Variants in OPRD1 observed in about 807,000 individuals in gnomAD.
OPRD1 encodes the protein opioid receptor delta 1, also known as delta-type opioid receptor.
In OPRD1, 19 loss-of-function variants were observed where a neutral mutation model predicts 17.5. The ratio of observed to expected loss-of-function variants is 1.09; its 90% CI spans 0.76 to 1.60. OPRD1 has a LOEUF of 1.60. Among genes scored for constraint, OPRD1 ranks in the 40% most tolerant of loss-of-function variants. The pLI, the probability that OPRD1 is intolerant of heterozygous loss-of-function variation, is 0.00. For synonymous variants in OPRD1, 256 were observed against 240.9 expected (o/e 1.06, Z -0.58); for missense variants, 483 against 547.2 (o/e 0.88, Z 1.17).
intron 1 of OPRD1, 124 bp downstream of exon 1, chr1:28,812,734 TG>T: frequency 1.1e-6 from 1 of 869,974 alleles, no homozygotes; most frequent in Non-Finnish European, 1.6e-6. Context: ...CAGGGGCACC[TG>T]GGGCCCAGCG....
intron 1 of OPRD1, among the ~76,000 whole-genome samples, chr1:28,814,600 A>G (rs2088658323): frequency 6.6e-6 from 1 of 152,030 alleles, no homozygotes; most frequent in African/African-American, 2.4e-5. Flanking sequence ...CTCATTTCCA[A>G]CCTTTTCCCC....
At chr1:28,862,258 G>T (rs2089130487) in intron 2 of OPRD1, among the ~76,000 whole-genome samples, 1 of 152,004 alleles carries the variant, frequency 6.6e-6, no homozygotes, top group South Asian at 2.1e-4. Flanking sequence ...TGGAGATGTG[G>T]GTACTGTCAT....
Position 28,822,021 on chromosome 1 carries a change from G to A in OPRD1, c.227+9411G>A, listed in dbSNP as rs564803808. On this transcript the variant is annotated intron_variant, in intron 1 of 2. Coordinates refer to ENST00000234961, the MANE Select transcript of OPRD1 (RefSeq NM_000911.4). Reference sequence around the variant, plus strand: ...GGCTGGAGTGCAATGGCGCAATCTCGGCTCACCACAACCTCCGCCTCCTGG... The same window carrying A: ...GGCTGGAGTGCAATGGCGCAATCTCAGCTCACCACAACCTCCGCCTCCTGG... Among the ~76,000 whole-genome samples the A allele has an allele frequency of 5.4e-4, 82 of 150,582 alleles. 1 individual carries two copies. The highest frequency in any genetic ancestry group is 1.8e-3 in the African/African-American group (75 of 40,860).
intron 1 of OPRD1, among the ~76,000 whole-genome samples, chr1:28,839,230 G>A (rs973552164): frequency 7.9e-5 from 12 of 152,062 alleles, no homozygotes; most frequent in African/African-American, 2.4e-4. Context: ...GCTTCTTCCC[G>A]TTTCTGGTGG....
Position 28,868,952 on chromosome 1 carries a change from C to A in OPRD1, c.*5669C>A, listed in dbSNP as rs990366159. The A allele has an allele frequency of 4.6e-5, 7 of 152,206 alleles. No homozygotes were observed. Among genetic ancestry groups the A allele is most frequent in the Non-Finnish European group, 7.3e-5 (5 of 68,088 alleles). 9.4% of individuals were successfully genotyped at this position (152,206 alleles called of 1,614,324 possible). A position where few individuals can be genotyped will look rare whatever the true frequency, so the allele number is the denominator to read the frequency against. On this transcript the variant is annotated 3_prime_UTR_variant, in exon 3 of 3. Coordinates refer to ENST00000234961, the MANE Select transcript of OPRD1 (RefSeq NM_000911.4). The stretch of plus-strand genomic sequence containing the variant: ...GGCTGGGCACCTGCTGGGTCTCTGT[C>A]CAAAGGCCAGCCCTCTCTTTGTGTC...
chr1:28,862,796 C>T lies in OPRD1; in HGVS notation c.632C>T (p.Thr211Met). The change falls in exon 3 of 3, where the codon ACG becomes ATG. Residue 211 changes from threonine to methionine, a missense_variant. Coordinates refer to ENST00000234961, the MANE Select transcript of OPRD1 (RefSeq NM_000911.4). ...QFPSPSWYWDTVTKICVFLFA... is the reference protein window; with the variant it reads ...QFPSPSWYWDMVTKICVFLFA... ...CCCAGCCCCAGCTGGTACTGGGACA[C>T]GGTGACCAAGATCTGCGTGTTCCTC... The T allele has an allele frequency of 1.2e-6, 2 of 1,613,406 alleles. No homozygotes were observed. Among genetic ancestry groups the T allele is most frequent in the Non-Finnish European group, 1.7e-6 (2 of 1,179,820 alleles).
At chr1:28,827,078 T>C (rs534805549) in intron 1 of OPRD1, among the ~76,000 whole-genome samples, 209 of 152,252 alleles carry the variant, frequency 1.4e-3, no homozygotes, top group Non-Finnish European at 2.4e-3. Context: ...GCAGATCCCT[T>C]GAGGTCAGGA....
Position 28,812,500 on chromosome 1 carries a change from C to G in OPRD1, c.117C>G (p.Gly39=). The G allele has an allele frequency of 6.4e-7, 1 of 1,562,616 alleles. No homozygotes were observed. The highest frequency in any genetic ancestry group is 1.2e-5 in the South Asian group (1 of 85,784). Residue 39 remains glycine, a synonymous_variant, in exon 1 of 3, where the codon GGC becomes GGG. Transcript: ENST00000234961. ...GCGCCAATGCGTCGGGGCCGCCAGG[C>G]GCGCGGAGCGCCTCGTCCCTCGCCC... The part of the protein sequence containing the change: ...SAGANASGPP[G]ARSASSLALA...
intron 1 of OPRD1, among the ~76,000 whole-genome samples, chr1:28,836,598 G>C (rs1270543277): frequency 1.3e-5 from 2 of 152,110 alleles, no homozygotes; most frequent in Non-Finnish European, 2.9e-5. Context: ...CCCTCCGAAG[G>C]CTCCGTGGAA....
At position 28,857,303 on chromosome 1, in the gene OPRD1, G is replaced by A. The variant is rs368455284; in HGVS notation, c.228-1651G>A. Among the ~76,000 whole-genome samples the A allele has an allele frequency of 2.8e-3, 430 of 152,256 alleles. 1 individual carries two copies. The highest frequency in any genetic ancestry group is 6.8e-3 in the Middle Eastern group (2 of 294). On this transcript the variant is annotated intron_variant, in intron 1 of 2. Transcript: ENST00000234961. Reference sequence around the variant, plus strand: ...CTCTTTTTACAGTTATGGATGCAGAGCCTTAGAGAGTTCAAGTTTCTAACT... The same window carrying A: ...CTCTTTTTACAGTTATGGATGCAGAACCTTAGAGAGTTCAAGTTTCTAACT...
In OPRD1 at chr1:28,812,495, C is replaced by A. The variant is rs1469460498; in HGVS notation, c.112C>A (p.Pro38Thr). The change falls in exon 1 of 3, where the codon CCA becomes ACA. Residue 38 changes from proline (P) to threonine (T), a missense_variant. Transcript: ENST00000234961. ...PSAGANASGPPGARSASSLAL... is the reference protein window; with the variant it reads ...PSAGANASGPTGARSASSLAL... ...CGCTGGCGCCAATGCGTCGGGGCCG[C>A]CAGGCGCGCGGAGCGCCTCGTCCCT... is the stretch of plus-strand genomic sequence containing the variant. 6.4e-7 allele frequency: 1 copy of A among 1,559,548 alleles called. No individual in the cohort carries two copies. Among genetic ancestry groups the A allele is most frequent in the Non-Finnish European group, 8.6e-7 (1 of 1,161,566 alleles).
At chr1:28,812,816 C>G (rs1408791402) in intron 1 of OPRD1, among the ~76,000 whole-genome samples, 2 of 150,036 alleles carry the variant, frequency 1.3e-5, no homozygotes, top group African/African-American at 2.4e-5. Flanking sequence ...GTGTGTGGTG[C>G]GGGGGGGGGA....
intron 1 of OPRD1, among the ~76,000 whole-genome samples, chr1:28,845,114 G>A (rs748916164): frequency 6.6e-6 from 1 of 152,046 alleles, no homozygotes; most frequent in Non-Finnish European, 1.5e-5. Context: ...GGAGGCCAAG[G>A]CGGGCAGATC....
At chr1:28,817,902 CG>C (rs34321858) in intron 1 of OPRD1, among the ~76,000 whole-genome samples, 9,046 of 91,706 alleles carry the variant, frequency 0.099, 328 homozygotes, top group African/African-American at 0.15. Flanking sequence ...ATGGGCGGGG[CG>C]GGGGGGGGGT....
At chr1:28,824,313 C>CTTTTTTTTTTTTTTTTTTTTT (rs58074384) in intron 1 of OPRD1, among the ~76,000 whole-genome samples, 1 of 109,784 alleles carries the variant, frequency 9.1e-6, no homozygotes, top group African/African-American at 3.7e-5. Context: ...TTTCTTTTTT[C>CTTTTTTTTTTTTTTTTTTTTT]TTTTTTTTTT....
At chr1:28,829,456 C>T (rs1192154171) in intron 1 of OPRD1, among the ~76,000 whole-genome samples, 1 of 151,814 alleles carries the variant, frequency 6.6e-6, no homozygotes, top group Non-Finnish European at 1.5e-5. Flanking sequence ...ACAACCTCCT[C>T]CTCCCAGATT....
chr1:28,815,134 T>G (rs374626607), intron 1 of OPRD1, among the ~76,000 whole-genome samples: 2 of 152,214 alleles, frequency 1.3e-5, no homozygotes. Context: ...TCTTTTATTT[T>G]TGAGACAAGA....
At chr1:28,824,329 T>A (rs927981314) in intron 1 of OPRD1, among the ~76,000 whole-genome samples, 48 of 146,736 alleles carry the variant, frequency 3.3e-4, no homozygotes, top group African/African-American at 1.2e-3. Flanking sequence ...TTTTTTTTTT[T>A]TTTGAGATGG....
Position 28,848,006 on chromosome 1 carries a change from T to A in OPRD1, c.228-10948T>A, listed in dbSNP as rs563996289. On this transcript the variant is annotated intron_variant, in intron 1 of 2. Transcript: ENST00000234961. ...GCTCATGCCTGTAATCCCAGCACTT[T>A]TGGGGGCCAAGGCAGGTGAATCATG... is the stretch of plus-strand genomic sequence containing the variant. Among the ~76,000 whole-genome samples, 11 of 152,122 alleles carry A rather than the reference T, an allele frequency of 7.2e-5. 1 individual carries two copies. The South Asian group carries it at 2.1e-3, about 29-fold the overall frequency.
Sources: allele counts gnomAD v4.1 joint callset (sites outside exome capture counted in the v4.1 genomes callset), GRCh38; gene constraint gnomAD v4.1.1; transcripts MANE v1.5; gene names NCBI Gene and HGNC (gene_info 2026-07-23, HGNC 2026-07-21).